The following GRID1 variants were observed in gnomAD, a reference collection of about 807,000 sequenced individuals.
GRID1 encodes the protein glutamate receptor ionotropic, delta-1.
Under a neutral mutation model 98.0 loss-of-function variants are expected in GRID1, and 28 were observed. That is an observed-to-expected ratio of 0.29 (90% CI 0.21 to 0.39). The LOEUF is 0.39. Among genes scored for constraint, GRID1 ranks in the 10% least tolerant of loss-of-function variants. The probability of loss-of-function intolerance (pLI) is 1.00; values close to 1 mark genes in which losing one functional copy is unlikely to be tolerated. For missense variants in GRID1, 1,111 were observed against 1,340.5 expected (o/e 0.83, Z 2.67); for synonymous variants, 553 against 538.5 (o/e 1.03, Z -0.37).
chr10:85,599,802 A>AAAAATATATATATATATATATATATAT lies in GRID1; in HGVS notation c.*2470_*2471insATATATATATATATATATATATATTTT. On this transcript the variant is annotated 3_prime_UTR_variant, in exon 16 of 16. Transcript: ENST00000327946. ...GTAGAAAATTCTAAAAAAAAAAAAA[A>AAAAATATATATATATATATATATATAT]ATATATATATATATATATAAACATG... 9.2e-5 allele frequency: 6 copies of AAAAATATATATATATATATATATATAT among 64,976 alleles called. No individual in the cohort carries two copies. Among genetic ancestry groups the AAAAATATATATATATATATATATATAT allele is most frequent in the Admixed American group, 3.4e-4 (2 of 5,844 alleles). 4.0% of individuals were successfully genotyped at this position (64,976 alleles called of 1,614,324 possible).
intron 3 of GRID1, among the ~76,000 whole-genome samples, chr10:86,201,389 G>A (rs1416080071): frequency 6.6e-6 from 1 of 152,166 alleles, no homozygotes; most frequent in African/African-American, 2.4e-5. Context: ...ATCAAGGAAT[G>A]GAGCTGCAAG....
At chr10:85,911,963 T>C (rs1299928794) in intron 5 of GRID1, among the ~76,000 whole-genome samples, 2 of 152,108 alleles carry the variant, frequency 1.3e-5, no homozygotes, top group Admixed American at 6.5e-5. Flanking sequence ...CCCAGAGAGG[T>C]CCTTTCCATC....
At chr10:86,015,812 C>T (rs1842973169) in intron 4 of GRID1, among the ~76,000 whole-genome samples, 1 of 152,164 alleles carries the variant, frequency 6.6e-6, no homozygotes, top group Admixed American at 6.5e-5. Flanking sequence ...CTGAACCTGA[C>T]AGTACAGAAG....
intron 12 of GRID1, among the ~76,000 whole-genome samples, chr10:85,681,814 T>C (rs1161278888): frequency 6.6e-6 from 1 of 152,140 alleles, no homozygotes; most frequent in African/African-American, 2.4e-5. Flanking sequence ...GACCACAGTA[T>C]ATGGCCTGCC....
At chr10:85,941,651 A>T (rs1841998658) in intron 4 of GRID1, among the ~76,000 whole-genome samples, 1 of 152,244 alleles carries the variant, frequency 6.6e-6, no homozygotes. Flanking sequence ...ACCACTGGGA[A>T]CAGCTTGTTA....
At chr10:85,917,906 G>A (rs922703100) in intron 4 of GRID1, among the ~76,000 whole-genome samples, 1 of 152,222 alleles carries the variant, frequency 6.6e-6, no homozygotes, top group Non-Finnish European at 1.5e-5. Context: ...GAGAAAGGAG[G>A]ACACTTCAGC....
chr10:86,316,637 C>A (rs1227660957), intron 2 of GRID1, among the ~76,000 whole-genome samples: 1 of 152,230 alleles, frequency 6.6e-6, no homozygotes, highest in Non-Finnish European at 1.5e-5. Context: ...GCTCCTGAGA[C>A]AGCAAGGGGT....
intron 3 of GRID1, among the ~76,000 whole-genome samples, chr10:86,196,259 G>T (rs1845870253): frequency 6.6e-6 from 1 of 151,982 alleles, no homozygotes; most frequent in African/African-American, 2.4e-5. Flanking sequence ...GACAGAGTTG[G>T]GGCTCTAGGC....
chr10:85,639,174 T>C (rs760593855), intron 13 of GRID1, among the ~76,000 whole-genome samples: 26 of 152,232 alleles, frequency 1.7e-4, no homozygotes, highest in African/African-American at 1.9e-4. Context: ...CTACAATATA[T>C]GTTAATTGGA....
chr10:85,615,708 AGT>A (rs1298607445), intron 14 of GRID1, among the ~76,000 whole-genome samples: 1 of 152,188 alleles, frequency 6.6e-6, no homozygotes, highest in East Asian at 1.9e-4. Context: ...GGACAGCCGC[AGT>A]GTTGCACCAC....
chr10:85,810,837 C>T (rs1842665105), intron 8 of GRID1, among the ~76,000 whole-genome samples: 1 of 152,128 alleles, frequency 6.6e-6, no homozygotes, highest in Non-Finnish European at 1.5e-5. Context: ...AGACCCACTC[C>T]AAGCCAGCCA....
At chr10:86,096,846 T>G (rs972471477) in intron 4 of GRID1, among the ~76,000 whole-genome samples, 1 of 152,220 alleles carries the variant, frequency 6.6e-6, no homozygotes, top group African/African-American at 2.4e-5. Context: ...ACCCAGTATG[T>G]GGTACTGTTT....
rs758467871 is a variant in GRID1, at chr10:85,602,330, G to A, written c.2973C>T (p.Pro991=). 22 of 1,561,388 alleles carry A rather than the reference G, an allele frequency of 1.4e-5. No homozygotes were observed. The highest frequency in any genetic ancestry group is 7.3e-5 in the South Asian group (6 of 82,428). Residue 991 remains proline, a synonymous_variant, in exon 16 of 16, where the codon CCC becomes CCT. Transcript: ENST00000327946. The part of the protein sequence containing the change: ...VKTPIPMSFQ[P]VPGGVLPEAL... The stretch of plus-strand genomic sequence containing the variant: ...CCTCTGGAAGGACGCCTCCAGGCAC[G>A]GGCTGGAAGGACATGGGGATGGGGG...
At chr10:85,607,760 G>A (rs1050907908) in intron 15 of GRID1, among the ~76,000 whole-genome samples, 3 of 151,778 alleles carry the variant, frequency 2.0e-5, no homozygotes, top group African/African-American at 7.3e-5. Flanking sequence ...AGGTCAGGAC[G>A]AGAACTCACA....
chr10:86,266,274 C>A (rs1021448468), intron 2 of GRID1, among the ~76,000 whole-genome samples: 2 of 152,110 alleles, frequency 1.3e-5, no homozygotes, highest in African/African-American at 4.8e-5. Context: ...CCCCAATGCA[C>A]AGCACCAGTG....
At chr10:85,797,306 C>G (rs1401046788) in intron 8 of GRID1, among the ~76,000 whole-genome samples, 1 of 152,056 alleles carries the variant, frequency 6.6e-6, no homozygotes, top group Non-Finnish European at 1.5e-5. Flanking sequence ...ATTGAGCTCA[C>G]TACTCGGGTA....
chr10:85,628,846 G>C (rs1842941072), intron 13 of GRID1, among the ~76,000 whole-genome samples: 1 of 152,178 alleles, frequency 6.6e-6, no homozygotes, highest in Non-Finnish European at 1.5e-5. Context: ...AGAGTGAATA[G>C]AATGGGAGTG....
chr10:85,895,665 C>A (rs1247693495), intron 5 of GRID1, among the ~76,000 whole-genome samples: 1 of 152,182 alleles, frequency 6.6e-6, no homozygotes, highest in Non-Finnish European at 1.5e-5. Flanking sequence ...GTTAACAGAA[C>A]CCATCTTCCT....
chr10:85,862,714 C>G lies in GRID1; in HGVS notation c.951+6296G>C, dbSNP rs1430649180. Among the ~76,000 whole-genome samples, 4 of 152,218 alleles carry G rather than the reference C, an allele frequency of 2.6e-5. No homozygotes were observed. In the East Asian group the frequency reaches 7.7e-4, roughly 29 times the overall value. ...GAGTCACAAGAAGTTGACTGAGGAC[C>G]AGGGATGGAAAAATAGATTTTTTAA... On this transcript the variant is annotated intron_variant, in intron 6 of 15. Transcript: ENST00000327946.
Sources: gnomAD v4.1 joint callset for allele counts (sites outside exome capture counted in the v4.1 genomes callset) on GRCh38, gnomAD v4.1.1 for gene constraint, MANE v1.5 for transcripts, NCBI Gene and HGNC (gene_info 2026-07-23, HGNC 2026-07-21) for gene names.